OSBPL5: variants seen among roughly 807,000 people sequenced by gnomAD.
The protein encoded by OSBPL5 is oxysterol-binding protein-related protein 5.
In OSBPL5, 71 loss-of-function variants were observed where a neutral mutation model predicts 111.2. The ratio of observed to expected loss-of-function variants is 0.64; its 90% CI spans 0.53 to 0.78. The LOEUF is 0.78. OSBPL5 is among the 30% of genes least tolerant of loss of function. The pLI is 0.00. For missense variants in OSBPL5, 1,210 were observed against 1,189.3 expected (o/e 1.02, Z -0.26); for synonymous variants, 549 against 513.9 (o/e 1.07, Z -0.93).
At position 3,104,325 on chromosome 11, in the gene OSBPL5, A is replaced by G; in HGVS notation, c.1112T>C (p.Met371Thr). Residue 371 changes from methionine (M) to threonine (T), a missense_variant, in exon 10 of 22, where the codon ATG becomes ACG. Met to Thr is a moderately conservative substitution (Grantham distance 81). Transcript: ENST00000263650. This position sits in a 1 kb window ranked among gnomAD's most constrained non-coding sequence, Gnocchi z 5.0. ...CCGTAGCTGCTTCAGCAGGGTCCAC[A>G]TCAGACTCTTGTTCTCCTCTGACAC... ...ETVSEENKSL[M>T]WTLLKQLRPG... 1 of 1,613,518 alleles carries G rather than the reference A, an allele frequency of 6.2e-7. No homozygotes were observed. The highest frequency in any genetic ancestry group is 2.2e-5 in the East Asian group (1 of 44,880).
rs567735019 is a variant in OSBPL5 at position 3,152,918 on chromosome 11, G to A, written c.-22+12298C>T. Among the ~76,000 whole-genome samples the A allele has an allele frequency of 2.0e-3, 311 of 152,262 alleles. 2 individuals are homozygous for A. The highest frequency in any genetic ancestry group is 6.1e-3 in the African/African-American group (255 of 41,548). On this transcript the variant is annotated intron_variant, in intron 1 of 21. Transcript: ENST00000263650. ...CTTCCCGGGTCCTCCTGCCGCGTCC[G>A]TCCGCTCCCGGTTTGCTCACTTTTC...
intron 1 of OSBPL5, among the ~76,000 whole-genome samples, chr11:3,155,818 C>T (rs572051351): frequency 9.8e-5 from 15 of 152,350 alleles, no homozygotes; most frequent in Admixed American, 9.1e-4. Context: ...CCCGTCTCCC[C>T]GTCTTTGGCA....
At chr11:3,155,888 C>T (rs1413351339) in intron 1 of OSBPL5, among the ~76,000 whole-genome samples, 1 of 152,224 alleles carries the variant, frequency 6.6e-6, no homozygotes, top group Admixed American at 6.5e-5. Context: ...TGTGAGCAGA[C>T]CTGCAGAACC....
At chr11:3,094,176 G>A (rs1857165563) in intron 15 of OSBPL5, 61 bp downstream of exon 15, 2 of 1,499,714 alleles carry the variant, frequency 1.3e-6, no homozygotes, top group Non-Finnish European at 1.8e-6. Flanking sequence ...AGTGTGAGGG[G>A]GATCCCCAAG....
intron 3 of OSBPL5, among the ~76,000 whole-genome samples, chr11:3,125,614 G>C (rs1189497413): frequency 6.6e-6 from 1 of 152,180 alleles, no homozygotes; most frequent in South Asian, 2.1e-4. Context: ...GGCCATCCTG[G>C]CTAACACGGT....
At position 3,106,702 on chromosome 11, in the gene OSBPL5, C is replaced by T. The variant is rs1297853595; in HGVS notation, c.1059+561G>A. On this transcript the variant is annotated intron_variant, in intron 9 of 21. Transcript: ENST00000263650. This position sits in a 1 kb window ranked among gnomAD's most constrained non-coding sequence, Gnocchi z 8.4. ...GTCACTCACGTCTTCAGAAAGAGCC[C>T]ATGGCCCGGTTTGCCTCCCTCACCT... Among the ~76,000 whole-genome samples, 1 of 152,202 alleles carries T rather than the reference C, an allele frequency of 6.6e-6. No homozygotes were observed. The highest frequency in any genetic ancestry group is 2.4e-5 in the African/African-American group (1 of 41,452).
chr11:3,155,703 T>C (rs56360132), intron 1 of OSBPL5, among the ~76,000 whole-genome samples: 121,685 of 151,888 alleles, frequency 0.8, 49,472 homozygotes, highest in African/African-American at 0.91. Flanking sequence ...ATGTCTGAAG[T>C]GGCCGGATGG....
At chr11:3,156,059 G>A (rs997747968) in intron 1 of OSBPL5, among the ~76,000 whole-genome samples, 5 of 152,254 alleles carry the variant, frequency 3.3e-5, no homozygotes, top group African/African-American at 1.2e-4. Flanking sequence ...CTATGCTGAG[G>A]CAGAGTAAGG....
chr11:3,125,150 A>C (rs1477448042), intron 3 of OSBPL5, among the ~76,000 whole-genome samples: 1 of 152,244 alleles, frequency 6.6e-6, no homozygotes, highest in African/African-American at 2.4e-5. Flanking sequence ...CAGTGCCATA[A>C]GGAGGCACCT....
Position 3,103,322 on chromosome 11 carries a change from T to G in OSBPL5, c.1245-2A>C. On this transcript the variant is annotated splice_acceptor_variant, in intron 10 of 21. Coordinates refer to ENST00000263650, the MANE Select transcript of OSBPL5 (RefSeq NM_020896.4). LOFTEE classifies it high-confidence loss of function. ...TAGGCATCCTCCTCCACCGCAGCCC[T>G]GCCATGGGGCAGGAGAACGCTGACC... is the stretch of plus-strand genomic sequence containing the variant. The G allele has an allele frequency of 6.2e-7, 1 of 1,603,332 alleles. No individual in the cohort carries two copies. The highest frequency in any genetic ancestry group is 8.5e-7 in the Non-Finnish European group (1 of 1,174,610).
chr11:3,129,301 G>C, intron 1 of OSBPL5, 132 bp from the exon 2 acceptor site: 1 of 864,536 alleles, frequency 1.2e-6, no homozygotes, highest in Non-Finnish European at 1.6e-6. Flanking sequence ...GGAGGGCCTG[G>C]GCCCTGGGAG....
chr11:3,117,541 GCAAAC>G (rs1314557040), intron 7 of OSBPL5, among the ~76,000 whole-genome samples: 4 of 152,146 alleles, frequency 2.6e-5, no homozygotes, highest in Admixed American at 2.0e-4. Context: ...GTATAATAAA[GCAAAC>G]CAGTCCTACC....
intron 7 of OSBPL5, among the ~76,000 whole-genome samples, chr11:3,111,965 G>A (rs1407417272): frequency 5.7e-5 from 8 of 139,882 alleles, no homozygotes; most frequent in African/African-American, 2.1e-4. Context: ...GTGTGTGTGT[G>A]TGTGCATATG....
chr11:3,126,664 G>A lies in OSBPL5; in HGVS notation c.137-109C>T. The stretch of plus-strand genomic sequence containing the variant: ...AAGCGTGGGTGCGGATGACCTGGGA[G>A]GGGCAGGAAGTCAGCCGGAGGTGGT... On this transcript the variant is annotated intron_variant, in intron 2 of 21. Transcript: ENST00000263650. The surrounding 1 kb of genome is among the most constrained non-coding windows in gnomAD (Gnocchi z 6.5). 1 of 877,924 alleles carries A rather than the reference G, an allele frequency of 1.1e-6. No homozygotes were observed. The highest frequency in any genetic ancestry group is 1.7e-6 in the Non-Finnish European group (1 of 588,944). The allele number at this position is 877,924 out of a possible 1,614,324, so 54.4% of individuals were successfully genotyped here.
chr11:3,157,166 C>T (rs961749903), intron 1 of OSBPL5, among the ~76,000 whole-genome samples: 5 of 152,238 alleles, frequency 3.3e-5, no homozygotes, highest in Admixed American at 6.5e-5. Context: ...CCAGGCCAAA[C>T]ACATGGGAGC....
In OSBPL5 at chr11:3,103,837, TCTGC is replaced by T. The variant is rs1564830568; in HGVS notation, c.1244+352_1244+355del. On this transcript the variant is annotated intron_variant, in intron 10 of 21. Coordinates refer to ENST00000263650, the MANE Select transcript of OSBPL5 (RefSeq NM_020896.4). ...CTGCCTGCGCAGCCCCCTTCCAGCC[TCTGC>T]AGCCCCTTTCCAGTCTGCGCAGCCC... 6.2e-4 allele frequency among the ~76,000 whole-genome samples: 50 copies of T among 80,424 alleles called. 1 individual carries two copies. Among genetic ancestry groups the T allele is most frequent in the South Asian group, 6.1e-3 (15 of 2,452 alleles). The allele number at this position is 80,424 out of a possible 152,430, so 52.8% of individuals were successfully genotyped here.
chr11:3,122,229 G>A, intron 4 of OSBPL5, 119 bp downstream of exon 4: 1 of 1,333,884 alleles, frequency 7.5e-7, no homozygotes, highest in Non-Finnish European at 1.0e-6. Flanking sequence ...AGGGGGTGTG[G>A]AGGCGACCAG....
intron 11 of OSBPL5, 31 bp downstream of exon 11, chr11:3,103,208 G>GCC (rs762333590): frequency 5.7e-6 from 9 of 1,569,178 alleles, no homozygotes; most frequent in Non-Finnish European, 7.8e-6. Flanking sequence ...CTGGGCCGGA[G>GCC]CCCCACCCTC....
At chr11:3,118,356 C>T (rs112676327) in intron 7 of OSBPL5, among the ~76,000 whole-genome samples, 23 of 152,190 alleles carry the variant, frequency 1.5e-4, no homozygotes, top group Non-Finnish European at 2.6e-4. Flanking sequence ...AACCATTTGT[C>T]TCTAATCTAC....
Sources: gnomAD v4.1 joint callset for allele counts (sites outside exome capture counted in the v4.1 genomes callset) on GRCh38, gnomAD v4.1.1 for gene constraint, Gnocchi (gnomAD v3.1) non-coding constraint, MANE v1.5 for transcripts, NCBI Gene and HGNC (gene_info 2026-07-23, HGNC 2026-07-21) for gene names.